RBFOX2: variants seen among roughly 807,000 people sequenced by gnomAD.
RBFOX2 encodes the protein RNA binding protein fox-1 homolog 2.
Under a neutral mutation model 49.1 loss-of-function variants are expected in RBFOX2, and 10 were observed. The ratio of observed to expected loss-of-function variants is 0.20; its 90% CI spans 0.13 to 0.35. The LOEUF is 0.35. Ranked by LOEUF, RBFOX2 falls within the 10% of genes least tolerant of loss-of-function variation. The pLI is 1.00. For missense variants in RBFOX2, 323 were observed against 486.9 expected (o/e 0.66, Z 3.17); for synonymous variants, 183 against 187.4 (o/e 0.98, Z 0.19).
At chr22:35,991,703 A>G (rs1269142965) in intron 1 of RBFOX2, among the ~76,000 whole-genome samples, 1 of 152,136 alleles carries the variant, frequency 6.6e-6, no homozygotes, top group African/African-American at 2.4e-5. Flanking sequence ...TAAAATATCT[A>G]TTTTGCCAAA....
chr22:35,776,853 CAT>C (rs962154089), intron 4 of RBFOX2, among the ~76,000 whole-genome samples: 9 of 151,608 alleles, frequency 5.9e-5, no homozygotes, highest in South Asian at 2.1e-4. Context: ...TCTCAAGTAA[CAT>C]GTGCAAATAT....
intron 4 of RBFOX2, among the ~76,000 whole-genome samples, chr22:35,770,007 C>CA (rs1247729996): frequency 2.0e-4 from 30 of 152,142 alleles, no homozygotes; most frequent in South Asian, 1.0e-3. Context: ...TTAATACTCT[C>CA]CTAAAGAATG....
At chr22:35,947,702 T>TAAAAA (rs2054467217) in intron 1 of RBFOX2, among the ~76,000 whole-genome samples, 1 of 99,564 alleles carries the variant, frequency 1.0e-5, no homozygotes, top group African/African-American at 3.9e-5. Flanking sequence ...AAAAAAAAAA[T>TAAAAA]TAAAAATCTT....
intron 1 of RBFOX2, among the ~76,000 whole-genome samples, chr22:36,019,414 T>C (rs1045173823): frequency 3.3e-5 from 5 of 152,204 alleles, no homozygotes; most frequent in African/African-American, 1.2e-4. Context: ...AACCACTCCA[T>C]GCAGATTAAA....
In RBFOX2 at chr22:35,999,346, A is replaced by G. The variant is rs1321741188; in HGVS notation, c.186+28894T>C. 6.7e-5 allele frequency: 10 copies of G among 148,634 alleles called. No individual in the cohort carries two copies. In the Admixed American group the frequency reaches 6.9e-4, roughly 10 times the overall value. The allele number at this position is 148,634 out of a possible 1,614,324, so 9.2% of individuals were successfully genotyped here. ...GACTGCTTGAGGCCGAGAGTTCAAG[A>G]CCAGCCTGGGTAACATGGCAAGTCC... On this transcript the variant is annotated intron_variant, in intron 1 of 13. Coordinates refer to the RBFOX2 transcript ENST00000438146.
rs751544703 is a variant in RBFOX2 at position 35,759,851 on chromosome 22, T to C, written c.887+37A>G. ...TATTCTTTTTTGGTCCAACTGCTTA[T>C]TTTAGAAACATACTGATTTTGGAAT... On this transcript the variant is annotated intron_variant, in intron 9 of 11. Coordinates refer to ENST00000405409, the Ensembl canonical transcript of RBFOX2. The surrounding 1 kb of genome is among the most constrained non-coding windows in gnomAD (Gnocchi z 4.6). 1.2e-6 allele frequency: 2 copies of C among 1,609,486 alleles called. No individual in the cohort carries two copies. The highest frequency in any genetic ancestry group is 3.3e-5 in the Admixed American group (2 of 59,928).
chr22:35,755,542 CTT>C (rs1409588868), intron 9 of RBFOX2, among the ~76,000 whole-genome samples: 15 of 152,306 alleles, frequency 9.8e-5, no homozygotes, highest in Middle Eastern at 3.4e-3. Context: ...ACTACACACT[CTT>C]TGCTGGCATC....
At chr22:35,960,857 G>T (rs1022698386) in intron 1 of RBFOX2, among the ~76,000 whole-genome samples, 1 of 151,884 alleles carries the variant, frequency 6.6e-6, no homozygotes, top group Non-Finnish European at 1.5e-5. Flanking sequence ...AGCCGATTCC[G>T]AATGAGAGTT....
chr22:35,852,532 C>A (rs2042061704), intron 1 of RBFOX2, among the ~76,000 whole-genome samples: 1 of 150,936 alleles, frequency 6.6e-6, no homozygotes, highest in South Asian at 2.1e-4. Context: ...AAACCTTATG[C>A]TAAATTTCCT....
At chr22:35,768,322 T>C in exon 5 of RBFOX2, 3 of 1,614,088 alleles carry the variant, frequency 1.9e-6, no homozygotes, top group Non-Finnish European at 2.5e-6. Flanking sequence ...GCATCAGCAC[T>C]ATTCTCGAAA....
chr22:35,947,672 T>TAAAAAAAAA (rs559788717), intron 1 of RBFOX2, among the ~76,000 whole-genome samples: 121 of 33,824 alleles, frequency 3.6e-3, no homozygotes, highest in Middle Eastern at 0.034. Flanking sequence ...GTTTAAAAAG[T>TAAAAAAAAA]AAAAAAAAAA....
chr22:35,913,413 C>T (rs1206178856), intron 1 of RBFOX2, among the ~76,000 whole-genome samples: 1 of 151,412 alleles, frequency 6.6e-6, no homozygotes, highest in African/African-American at 2.4e-5. Flanking sequence ...GGATAATTTA[C>T]AAGCAAAAAA....
chr22:36,013,803 A>C (rs1023464422), intron 1 of RBFOX2, among the ~76,000 whole-genome samples: 2 of 152,150 alleles, frequency 1.3e-5, no homozygotes, highest in Non-Finnish European at 2.9e-5. Context: ...AGGAGGGGGG[A>C]TAACAGACAA....
Position 35,768,369 on chromosome 22 carries a change from G to C in RBFOX2, c.454-20C>G, listed in dbSNP as rs746450271. On this transcript the variant is annotated intron_variant, in intron 4 of 11. Transcript: ENST00000405409. Reference sequence around the variant, plus strand: ...GAATCCCTGCATGCAGCGGGAGAAGGGGGGAAAACATGCACATCGTTATAT... The same window carrying C: ...GAATCCCTGCATGCAGCGGGAGAAGCGGGGAAAACATGCACATCGTTATAT... 2 of 1,599,218 alleles carry C rather than the reference G, an allele frequency of 1.3e-6. No individual in the cohort carries two copies. The highest frequency in any genetic ancestry group is 1.7e-6 in the Non-Finnish European group (2 of 1,166,732).
Position 35,762,701 on chromosome 22 carries a change from C to T in RBFOX2, c.608-1233G>A, listed in dbSNP as rs890108933. ...TATACTTTTAGTAGAGATGGGGTTT[C>T]ACCATGTTGGCCAGGCTGGTCTTGA... On this transcript the variant is annotated intron_variant, in intron 6 of 11. Coordinates refer to ENST00000405409, the Ensembl canonical transcript of RBFOX2. Among the ~76,000 whole-genome samples, 5 of 152,076 alleles carry T rather than the reference C, an allele frequency of 3.3e-5. No homozygotes were observed. The South Asian group carries it at 1.0e-3, about 32-fold the overall frequency.
upstream of RBFOX2, among the ~76,000 whole-genome samples, chr22:35,940,958 T>C (rs185455204): frequency 6.6e-6 from 1 of 152,210 alleles, no homozygotes; most frequent in East Asian, 1.9e-4. Context: ...GGCTACCAGG[T>C]TTATCTGGAG....
In RBFOX2 at chr22:35,955,758, C is replaced by T. The variant is rs571306563; in HGVS notation, c.42+5805G>A. Among the ~76,000 whole-genome samples, 4 of 152,158 alleles carry T rather than the reference C, an allele frequency of 2.6e-5. No homozygotes were observed. In the South Asian group the frequency reaches 8.3e-4, roughly 32 times the overall value. On this transcript the variant is annotated intron_variant, in intron 1 of 5. Coordinates refer to the RBFOX2 transcript ENST00000408983. ...CACCTCCTGCCGTGTGGCCTGGTTC[C>T]TAACAGGCCACAAGCCAGTACCAGA...
chr22:35,908,686 T>C (rs2049405837), intron 1 of RBFOX2, among the ~76,000 whole-genome samples: 1 of 152,100 alleles, frequency 6.6e-6, no homozygotes, highest in African/African-American at 2.4e-5. Context: ...ATATATACTA[T>C]TGTTATCATT....
chr22:35,886,207 C>T (rs141234423), intron 1 of RBFOX2, among the ~76,000 whole-genome samples: 266 of 152,162 alleles, frequency 1.7e-3, no homozygotes, highest in African/African-American at 5.8e-3. Context: ...TTCATTATAC[C>T]TAGAATATCC....
Sources: allele counts gnomAD v4.1 joint callset (sites outside exome capture counted in the v4.1 genomes callset), GRCh38; gene constraint gnomAD v4.1.1; non-coding constraint Gnocchi (gnomAD v3.1); transcripts MANE v1.5; gene names NCBI Gene and HGNC (gene_info 2026-07-23, HGNC 2026-07-21).